Variants in KCNIP1 observed in about 807,000 individuals in gnomAD.
KCNIP1 encodes the protein A-type potassium channel modulatory protein KCNIP1.
A neutral mutation model predicts 33.0 loss-of-function variants in KCNIP1; 18 were observed. The ratio of observed to expected loss-of-function variants is 0.55; its 90% CI spans 0.38 to 0.81. The LOEUF (loss-of-function observed/expected upper bound fraction) is 0.81, where lower values mean the gene tolerates loss of function less well. Among genes scored for constraint, KCNIP1 ranks in the 30% least tolerant of loss-of-function variants. The pLI, the probability that KCNIP1 is intolerant of heterozygous loss-of-function variation, is 0.00. For synonymous variants in KCNIP1, 93 were observed against 98.3 expected (o/e 0.95, Z 0.32); for missense variants, 238 against 271.6 (o/e 0.88, Z 0.87).
At chr5:170,624,808 C>G (rs867230805) in intron 1 of KCNIP1, among the ~76,000 whole-genome samples, 1 of 151,402 alleles carries the variant, frequency 6.6e-6, no homozygotes, top group Non-Finnish European at 1.5e-5. Flanking sequence ...GGCTTCCTCA[C>G]TCTCCTTTCC....
chr5:170,709,543 G>A (rs1198172568), intron 1 of KCNIP1, among the ~76,000 whole-genome samples: 3 of 152,092 alleles, frequency 2.0e-5, no homozygotes, highest in South Asian at 2.1e-4. Flanking sequence ...CTTACAAGCA[G>A]CATTTAATCA....
intron 5 of KCNIP1, among the ~76,000 whole-genome samples, chr5:170,728,331 T>C (rs1353475943): frequency 6.6e-6 from 1 of 152,212 alleles, no homozygotes; most frequent in Admixed American, 6.5e-5. Context: ...TAACATTTCC[T>C]GAAAGCTCTT....
At chr5:170,640,655 G>A (rs1032036588) in intron 1 of KCNIP1, among the ~76,000 whole-genome samples, 1 of 152,238 alleles carries the variant, frequency 6.6e-6, no homozygotes, top group Non-Finnish European at 1.5e-5. Flanking sequence ...GGAACATAAG[G>A]AGGGGTGGAC....
rs555940166 is a variant in KCNIP1, at chr5:170,706,127, C to G, written c.62-12631C>G. Among the ~76,000 whole-genome samples, 4 of 152,302 alleles carry G rather than the reference C, an allele frequency of 2.6e-5. No homozygotes were observed. In the South Asian group the frequency reaches 8.3e-4, roughly 32 times the overall value. On this transcript the variant is annotated intron_variant, in intron 1 of 7. Transcript: ENST00000328939. ...TAATACCGAATCCAGCAAAAGCTCA[C>G]ATGGCCAGCTTCCATTATGTTCCTA...
At chr5:170,720,450 T>C (rs1353991731) in intron 3 of KCNIP1, 60 bp downstream of exon 3, 1 of 1,259,814 alleles carries the variant, frequency 7.9e-7, no homozygotes, top group Non-Finnish European at 1.2e-6. Flanking sequence ...AGCCTTCCCT[T>C]CCTCCAAGTC....
rs1395523877 is a variant in KCNIP1 at position 170,695,443 on chromosome 5, T to C, written c.62-23315T>C. On this transcript the variant is annotated intron_variant, in intron 1 of 7. Transcript: ENST00000328939. ...GAAGCTCCCTATTTGCCCCATTTGA[T>C]TCATTACTCCCCAAAGGTAACTGCT... Among the ~76,000 whole-genome samples, 3 of 152,202 alleles carry C rather than the reference T, an allele frequency of 2.0e-5. 1 individual carries two copies. In the South Asian group the frequency reaches 6.2e-4, roughly 31 times the overall value.
In KCNIP1 at chr5:170,504,707, T is replaced by A; in HGVS notation, c.61+74T>A. On this transcript the variant is annotated intron_variant, in intron 1 of 7. Coordinates refer to ENST00000328939, the MANE Select transcript of KCNIP1 (RefSeq NM_014592.4). This position sits in a 1 kb window ranked among gnomAD's most constrained non-coding sequence, Gnocchi z 6.0. ...AGGCGCCGAGGTGGGCTGTGCCACC[T>A]GCCTCCCTTAGTCCGGACTCTCCTC... 8.0e-7 allele frequency: 1 copy of A among 1,250,566 alleles called. No individual in the cohort carries two copies. Among genetic ancestry groups the A allele is most frequent in the East Asian group, 2.3e-5 (1 of 43,186 alleles). 77.5% of individuals were successfully genotyped at this position (1,250,566 alleles called of 1,614,324 possible). A position where few individuals can be genotyped will look rare whatever the true frequency, so the allele number is the denominator to read the frequency against.
intron 1 of KCNIP1, among the ~76,000 whole-genome samples, chr5:170,441,251 C>T (rs939463194): frequency 1.3e-5 from 2 of 152,232 alleles, no homozygotes; most frequent in Non-Finnish European, 2.9e-5. Context: ...CACAGTTACA[C>T]ACAGATCTGT....
intron 1 of KCNIP1, chr5:170,377,651 C>A (rs5013454): frequency 0.15 from 23,374 of 151,750 alleles, 2,038 homozygotes; most frequent in Non-Finnish European, 0.19. Context: ...CGGCTCACTG[C>A]AAGCTCCGAA....
intron 1 of KCNIP1, among the ~76,000 whole-genome samples, chr5:170,707,683 A>G (rs1238621639): frequency 6.6e-6 from 1 of 152,088 alleles, no homozygotes; most frequent in Non-Finnish European, 1.5e-5. Flanking sequence ...AAACATACCC[A>G]TTTGGAGAGA....
At chr5:170,468,102 A>G (rs1756647456) in intron 1 of KCNIP1, among the ~76,000 whole-genome samples, 3 of 152,172 alleles carry the variant, frequency 2.0e-5, no homozygotes, top group Non-Finnish European at 2.9e-5. Context: ...TAACGGAGCA[A>G]TTGACTTTGA....
chr5:170,567,721 G>C (rs1757251972), intron 1 of KCNIP1, among the ~76,000 whole-genome samples: 1 of 152,206 alleles, frequency 6.6e-6, no homozygotes, highest in Non-Finnish European at 1.5e-5. Context: ...TGATGTTCTG[G>C]AAAGCAGTTT....
intron 1 of KCNIP1, among the ~76,000 whole-genome samples, chr5:170,676,471 G>A (rs924908774): frequency 1.3e-5 from 2 of 152,164 alleles, no homozygotes; most frequent in African/African-American, 2.4e-5. Flanking sequence ...GCTCTGAGAT[G>A]GTGCTCTGAG....
intron 1 of KCNIP1, among the ~76,000 whole-genome samples, chr5:170,394,265 G>C (rs1754696473): frequency 6.6e-6 from 1 of 152,156 alleles, no homozygotes; most frequent in African/African-American, 2.4e-5. Flanking sequence ...CGCATGCTGG[G>C]AGCACCGCAT....
intron 1 of KCNIP1, among the ~76,000 whole-genome samples, chr5:170,608,521 C>T (rs1335676091): frequency 6.6e-6 from 1 of 152,210 alleles, no homozygotes. Flanking sequence ...CCAGTAATCC[C>T]AGCACTTTGG....
At chr5:170,590,039 A>G (rs1758187000) in intron 1 of KCNIP1, among the ~76,000 whole-genome samples, 1 of 152,114 alleles carries the variant, frequency 6.6e-6, no homozygotes, top group African/African-American at 2.4e-5. Context: ...AGTTAGGAGG[A>G]ATAATGTATA....
intron 1 of KCNIP1, among the ~76,000 whole-genome samples, chr5:170,591,287 GTT>G (rs1430171817): frequency 6.6e-6 from 1 of 152,202 alleles, no homozygotes; most frequent in East Asian, 1.9e-4. Context: ...TCCCAGTAGA[GTT>G]TGAGCCACAT....
intron 1 of KCNIP1, among the ~76,000 whole-genome samples, chr5:170,390,667 G>C (rs1348285281): frequency 1.3e-5 from 2 of 151,648 alleles, no homozygotes; most frequent in African/African-American, 4.9e-5. Context: ...ACTGAGACTT[G>C]GAGGCTTGAA....
At chr5:170,367,425 A>G (rs867324752) in intron 1 of KCNIP1, among the ~76,000 whole-genome samples, 55 of 141,682 alleles carry the variant, frequency 3.9e-4, no homozygotes, top group African/African-American at 4.8e-4. Flanking sequence ...AAGAAAGGAA[A>G]GAAAGAAAGA....
Sources: allele counts gnomAD v4.1 joint callset (sites outside exome capture counted in the v4.1 genomes callset), GRCh38; gene constraint gnomAD v4.1.1; non-coding constraint Gnocchi (gnomAD v3.1); transcripts MANE v1.5; gene names NCBI Gene and HGNC (gene_info 2026-07-23, HGNC 2026-07-21).